NAA25: variants seen among roughly 807,000 people sequenced by gnomAD.
NAA25 encodes the protein N-alpha-acetyltransferase 25, NatB auxiliary subunit.
A neutral mutation model predicts 132.5 loss-of-function variants in NAA25; 30 were observed. The ratio of observed to expected loss-of-function variants is 0.23; its 90% CI spans 0.17 to 0.31. The LOEUF is 0.31. NAA25 is among the 10% of genes least tolerant of loss of function. The pLI, the probability that NAA25 is intolerant of heterozygous loss-of-function variation, is 1.00. For missense variants in NAA25, 771 were observed against 1,150.4 expected (o/e 0.67, Z 4.77); for synonymous variants, 359 against 401.9 (o/e 0.89, Z 1.28).
intron 23 of NAA25, among the ~76,000 whole-genome samples, chr12:112,031,478 C>T (rs1251463781): frequency 1.3e-5 from 2 of 152,150 alleles, no homozygotes; most frequent in African/African-American, 4.8e-5. Flanking sequence ...TTTCCATTTA[C>T]AGATAAAGAG....
intron 22 of NAA25, 41 bp from the exon 23 acceptor site, chr12:112,033,420 A>G (rs746925057): frequency 2.8e-5 from 43 of 1,544,276 alleles, no homozygotes; most frequent in Non-Finnish European, 3.7e-5. Flanking sequence ...ATTATCAAAC[A>G]TATTACCCAT....
At chr12:112,053,697 T>G in intron 14 of NAA25, 40 bp from the exon 15 acceptor site, 4 of 1,400,348 alleles carry the variant, frequency 2.9e-6, no homozygotes, top group Non-Finnish European at 4.0e-6. Context: ...AGACATGTTA[T>G]ACTTACTTAC....
intron 22 of NAA25, among the ~76,000 whole-genome samples, chr12:112,037,910 GT>G (rs1239306504): frequency 6.6e-6 from 1 of 151,944 alleles, no homozygotes; most frequent in Non-Finnish European, 1.5e-5. Context: ...TTAAAGAAGG[GT>G]AAACACACAT....
intron 15 of NAA25, among the ~76,000 whole-genome samples, chr12:112,051,130 G>C (rs941524647): frequency 2.0e-5 from 3 of 152,288 alleles, no homozygotes. Flanking sequence ...CTTAGCCTTA[G>C]ATTTCTTTAG....
At chr12:112,042,826 T>A (rs1410735423) in intron 19 of NAA25, among the ~76,000 whole-genome samples, 4 of 152,208 alleles carry the variant, frequency 2.6e-5, no homozygotes, top group African/African-American at 9.7e-5. Flanking sequence ...ATTTTTAAAA[T>A]CCAACAGCCT....
chr12:112,060,145 A>G, intron 13 of NAA25, 125 bp downstream of exon 13: 1 of 686,940 alleles, frequency 1.5e-6, no homozygotes, highest in Non-Finnish European at 2.5e-6. Flanking sequence ...AGAAATATCA[A>G]GAAAAGCAGA....
intron 10 of NAA25, chr12:112,069,253 T>C: frequency 6.3e-6 from 2 of 319,092 alleles, no homozygotes; most frequent in Non-Finnish European, 1.2e-5. Flanking sequence ...ACACCTGTAA[T>C]CCCACACTTT....
intron 19 of NAA25, among the ~76,000 whole-genome samples, chr12:112,042,479 T>G (rs1038538478): frequency 1.3e-5 from 2 of 151,920 alleles, no homozygotes; most frequent in Non-Finnish European, 2.9e-5. Context: ...AGAAATCTCT[T>G]CTCTACAAAG....
rs914528085 is a variant in NAA25, at chr12:112,062,033, T to C, written c.1150-645A>G. On this transcript the variant is annotated intron_variant, in intron 11 of 23. Transcript: ENST00000261745. ...AATAAAACCCACATACCAGTTCTAG[T>C]TATGTATTTATTAAATACACGCTTA... is the stretch of plus-strand genomic sequence containing the variant. 3.9e-5 allele frequency among the ~76,000 whole-genome samples: 6 copies of C among 152,182 alleles called. No homozygotes were observed. In the South Asian group the frequency reaches 1.2e-3, roughly 31 times the overall value.
At chr12:112,061,149 GGAAC>G in intron 12 of NAA25, 28 bp downstream of exon 12, 3 of 1,581,284 alleles carry the variant, frequency 1.9e-6, no homozygotes, top group Non-Finnish European at 1.7e-6. Flanking sequence ...TGTAGATCAG[GGAAC>G]TACTGCACAT....
chr12:112,092,963 A>G, intron 2 of NAA25, 88 bp downstream of exon 2: 5 of 904,642 alleles, frequency 5.5e-6, no homozygotes, highest in Non-Finnish European at 8.5e-6. Flanking sequence ...GGCTTGAGCC[A>G]CCATGCCCGG....
intron 18 of NAA25, 64 bp downstream of exon 18, chr12:112,043,559 CCT>C: frequency 6.4e-7 from 1 of 1,565,550 alleles, no homozygotes. Flanking sequence ...ACCCCAAACT[CCT>C]GTTTATAAAA....
chr12:112,036,830 GA>G, intron 22 of NAA25, among the ~76,000 whole-genome samples: 1 of 147,996 alleles, frequency 6.8e-6, no homozygotes, highest in African/African-American at 2.5e-5. Flanking sequence ...AACAGAGCAA[GA>G]CTCCATCTCA....
intron 7 of NAA25, among the ~76,000 whole-genome samples, chr12:112,076,482 C>T (rs1219756901): frequency 6.6e-6 from 1 of 152,052 alleles, no homozygotes; most frequent in Non-Finnish European, 1.5e-5. Context: ...ACTGAGCTGA[C>T]ATGAGCTAAG....
intron 23 of NAA25, among the ~76,000 whole-genome samples, chr12:112,031,843 AC>A (rs966782258): frequency 1.3e-5 from 2 of 150,828 alleles, no homozygotes; most frequent in African/African-American, 4.9e-5. Flanking sequence ...ATTTCTTTCT[AC>A]CTGGTGAAAA....
At chr12:112,106,627 G>T (rs2079364879) in intron 1 of NAA25, among the ~76,000 whole-genome samples, 2 of 152,240 alleles carry the variant, frequency 1.3e-5, no homozygotes, top group Non-Finnish European at 2.9e-5. Context: ...AGTGTCTTCA[G>T]CTCAAAGTGA....
chr12:112,059,076 A>G (rs1322036701), intron 13 of NAA25, among the ~76,000 whole-genome samples: 1 of 4,942 alleles, frequency 2.0e-4, no homozygotes, highest in Admixed American at 2.1e-3. Context: ...TCCATCTCAC[A>G]AAAAAAAAAA....
intron 17 of NAA25, among the ~76,000 whole-genome samples, chr12:112,045,551 T>C (rs1856322735): frequency 1.3e-5 from 2 of 151,176 alleles, no homozygotes; most frequent in African/African-American, 4.9e-5. Flanking sequence ...TCACAGCACT[T>C]TGAGTGGCCC....
At chr12:112,058,286 T>C (rs2078576343) in intron 13 of NAA25, among the ~76,000 whole-genome samples, 1 of 152,082 alleles carries the variant, frequency 6.6e-6, no homozygotes, top group Non-Finnish European at 1.5e-5. Flanking sequence ...TGAGTAAAAC[T>C]TAGATGAGGG....
Sources: gnomAD v4.1 joint callset for allele counts (sites outside exome capture counted in the v4.1 genomes callset) on GRCh38, gnomAD v4.1.1 for gene constraint, MANE v1.5 for transcripts, NCBI Gene and HGNC (gene_info 2026-07-23, HGNC 2026-07-21) for gene names.